The following ROBO1 variants were observed in gnomAD, a reference collection of about 807,000 sequenced individuals.
ROBO1 encodes the protein roundabout guidance receptor 1.
Under a neutral mutation model 195.9 loss-of-function variants are expected in ROBO1, and 149 were observed. That is an observed-to-expected ratio of 0.76 (90% CI 0.67 to 0.87). The LOEUF is 0.87. Ranked by LOEUF, ROBO1 falls within the 40% of genes least tolerant of loss-of-function variation. ROBO1 has a pLI of 0.00. For synonymous variants in ROBO1, 816 were observed against 733.2 expected, an observed-to-expected ratio of 1.11 and a Z score of -1.82; for missense variants, 1,933 against 2,068.3, an observed-to-expected ratio of 0.93 and a Z score of 1.27.
At chr3:78,774,896 A>G (rs2083466739) in intron 4 of ROBO1, among the ~76,000 whole-genome samples, 1 of 152,206 alleles carries the variant, frequency 6.6e-6, no homozygotes, top group African/African-American at 2.4e-5. Flanking sequence ...ATAGACTTCT[A>G]CCAAATATAT....
At chr3:78,847,224 A>G (rs1260091857) in intron 4 of ROBO1, among the ~76,000 whole-genome samples, 2 of 152,162 alleles carry the variant, frequency 1.3e-5, no homozygotes, top group East Asian at 3.9e-4. Context: ...TGGAGGATGG[A>G]ATATAACTTC....
chr3:79,026,353 AT>A (rs2078203225), intron 3 of ROBO1, among the ~76,000 whole-genome samples: 1 of 152,088 alleles, frequency 6.6e-6, no homozygotes, highest in African/African-American at 2.4e-5. Context: ...AAGTAATATA[AT>A]TTTTACAGAT....
At position 78,717,701 on chromosome 3, in the gene ROBO1, A is replaced by C; in HGVS notation, c.778+62T>G. ...AACAATTTTTCTTTCCCCCTTGTAT[A>C]CAGACACAAAATGATAAGAGATCTA... On this transcript the variant is annotated intron_variant, in intron 6 of 30. Coordinates refer to ENST00000464233, the MANE Select transcript of ROBO1 (RefSeq NM_002941.4). The C allele has an allele frequency of 1.9e-6, 3 of 1,565,270 alleles. No individual in the cohort carries two copies. The South Asian group carries it at 3.5e-5, about 18-fold the overall frequency.
intron 2 of ROBO1, among the ~76,000 whole-genome samples, chr3:79,455,730 A>C (rs948471714): frequency 6.6e-6 from 1 of 152,088 alleles, no homozygotes; most frequent in East Asian, 1.9e-4. Flanking sequence ...TATTTTTTGA[A>C]GTATTTAGTC....
chr3:78,683,224 A>G (rs1046453141), intron 10 of ROBO1, among the ~76,000 whole-genome samples: 2 of 152,090 alleles, frequency 1.3e-5, no homozygotes, highest in Non-Finnish European at 2.9e-5. Context: ...TGAAACTACA[A>G]ACCATTGCTG....
intron 1 of ROBO1, among the ~76,000 whole-genome samples, chr3:79,747,187 A>G (rs1242497114): frequency 6.6e-6 from 1 of 152,092 alleles, no homozygotes; most frequent in African/African-American, 2.4e-5. Flanking sequence ...AGAGAATGCT[A>G]GCTGAAAATG....
intron 1 of ROBO1, among the ~76,000 whole-genome samples, chr3:79,709,409 CTA>C (rs1245634219): frequency 6.6e-6 from 1 of 151,876 alleles, no homozygotes; most frequent in Non-Finnish European, 1.5e-5. Flanking sequence ...ATTTTAGCAA[CTA>C]TGTGTACAAA....
At position 79,733,726 on chromosome 3, in the gene ROBO1, T is replaced by C. The variant is rs144143026; in HGVS notation, c.-51+34026A>G. ...GTATAGGAGTATTTTTGCTGTACTATCATATTCTCTGTACTTACTCTATCA... is the reference window on the plus strand; with the variant it reads ...GTATAGGAGTATTTTTGCTGTACTACCATATTCTCTGTACTTACTCTATCA... On this transcript the variant is annotated intron_variant, in intron 1 of 30. Coordinates refer to ENST00000464233, the MANE Select transcript of ROBO1 (RefSeq NM_002941.4). 6.3e-3 allele frequency among the ~76,000 whole-genome samples: 955 copies of C among 152,316 alleles called. 9 individuals carry two copies. Among genetic ancestry groups the C allele is most frequent in the Admixed American group, 7.8e-3 (120 of 15,302 alleles).
intron 2 of ROBO1, among the ~76,000 whole-genome samples, chr3:79,241,637 T>C (rs2082519576): frequency 6.6e-6 from 1 of 151,258 alleles, no homozygotes; most frequent in South Asian, 2.1e-4. Context: ...TCATCTTACA[T>C]AATAGATAGT....
At chr3:79,533,290 T>C (rs1016806371) in intron 2 of ROBO1, among the ~76,000 whole-genome samples, 1 of 152,310 alleles carries the variant, frequency 6.6e-6, no homozygotes, top group South Asian at 2.1e-4. Context: ...TAGTATTTTC[T>C]TTTGATTTAC....
chr3:79,200,402 C>A (rs1170848844), intron 2 of ROBO1, among the ~76,000 whole-genome samples: 2 of 151,394 alleles, frequency 1.3e-5, no homozygotes, highest in Non-Finnish European at 3.0e-5. Flanking sequence ...TAGAGAATTT[C>A]ATTTCAGGAT....
At chr3:78,790,891 A>G (rs1276733894) in intron 4 of ROBO1, among the ~76,000 whole-genome samples, 31 of 152,190 alleles carry the variant, frequency 2.0e-4, no homozygotes, top group Admixed American at 2.0e-3. Flanking sequence ...GGGGCAGGGA[A>G]GGAAAATGCC....
At chr3:79,371,926 G>A (rs1429317634) in intron 2 of ROBO1, among the ~76,000 whole-genome samples, 1 of 152,130 alleles carries the variant, frequency 6.6e-6, no homozygotes, top group Non-Finnish European at 1.5e-5. Flanking sequence ...TGTGGGGGAT[G>A]GTTTTGGGAT....
At chr3:79,028,589 T>G (rs993293889) in intron 3 of ROBO1, among the ~76,000 whole-genome samples, 2 of 152,106 alleles carry the variant, frequency 1.3e-5, no homozygotes, top group African/African-American at 4.8e-5. Context: ...TCATTTTAAT[T>G]ATAGATATCC....
At chr3:78,834,022 T>G (rs2032473580) in intron 4 of ROBO1, among the ~76,000 whole-genome samples, 1 of 152,118 alleles carries the variant, frequency 6.6e-6, no homozygotes, top group Admixed American at 6.6e-5. Flanking sequence ...TCACAGAATC[T>G]GACAAAGTAA....
At chr3:78,883,020 C>T (rs567271188) in intron 4 of ROBO1, among the ~76,000 whole-genome samples, 7 of 151,930 alleles carry the variant, frequency 4.6e-5, no homozygotes, top group Non-Finnish European at 8.8e-5. Context: ...ACCATGTTGG[C>T]CAGGCCGGTC....
At chr3:79,518,441 C>T (rs1941047222) in intron 2 of ROBO1, among the ~76,000 whole-genome samples, 1 of 152,100 alleles carries the variant, frequency 6.6e-6, no homozygotes, top group African/African-American at 2.4e-5. Flanking sequence ...CTTTCCCCTT[C>T]TTTCAGTTCT....
At chr3:79,728,885 A>T (rs1703033811) in intron 1 of ROBO1, among the ~76,000 whole-genome samples, 1 of 151,986 alleles carries the variant, frequency 6.6e-6, no homozygotes, top group African/African-American at 2.4e-5. Flanking sequence ...AATGATTGAA[A>T]CTCTTCATAG....
At chr3:78,882,481 TACA>T (rs1427765824) in intron 4 of ROBO1, among the ~76,000 whole-genome samples, 1 of 152,180 alleles carries the variant, frequency 6.6e-6, no homozygotes, top group Non-Finnish European at 1.5e-5. Context: ...TACTTCAAAA[TACA>T]ACAAGCTGTT....
Sources: allele counts gnomAD v4.1 joint callset (sites outside exome capture counted in the v4.1 genomes callset), GRCh38; gene constraint gnomAD v4.1.1; transcripts MANE v1.5; gene names NCBI Gene and HGNC (gene_info 2026-07-23, HGNC 2026-07-21).